Variants in MAP2K5 observed in about 807,000 individuals in gnomAD.
The protein encoded by MAP2K5 is dual specificity mitogen-activated protein kinase kinase 5.
In MAP2K5, 49 loss-of-function variants were observed where a neutral mutation model predicts 83.1. The ratio of observed to expected loss-of-function variants is 0.59; its 90% confidence interval spans 0.47 to 0.75. MAP2K5 has a LOEUF of 0.75. Ranked by LOEUF, MAP2K5 falls within the 30% of genes least tolerant of loss-of-function variation. The pLI is 0.00. For synonymous variants in MAP2K5, 202 were observed against 191.8 expected (o/e 1.05, Z -0.44); for missense variants, 457 against 557.5 (o/e 0.82, Z 1.82).
chr15:67,601,864 T>C (rs946773905), intron 8 of MAP2K5, among the ~76,000 whole-genome samples: 5 of 152,246 alleles, frequency 3.3e-5, no homozygotes, highest in Admixed American at 2.0e-4. Context: ...TTCAGTGCCC[T>C]TTGCAGATAC....
intron 21 of MAP2K5, among the ~76,000 whole-genome samples, chr15:67,789,671 C>T (rs1406670816): frequency 6.6e-6 from 1 of 151,320 alleles, no homozygotes; most frequent in Admixed American, 6.6e-5. Context: ...GCCGAGATCG[C>T]ACCATTGCAC....
At chr15:67,660,281 A>AC (rs2087203518) in intron 12 of MAP2K5, among the ~76,000 whole-genome samples, 3 of 143,696 alleles carry the variant, frequency 2.1e-5, no homozygotes, top group Admixed American at 2.1e-4. Flanking sequence ...TCCAAAATGT[A>AC]GTGTTTTTTT....
chr15:67,637,872 C>G lies in MAP2K5; in HGVS notation c.585+6945C>G, dbSNP rs1325163042. 6.6e-6 allele frequency among the ~76,000 whole-genome samples: 1 copy of G among 151,506 alleles called. No individual in the cohort carries two copies. Among genetic ancestry groups the G allele is most frequent in the Non-Finnish European group, 1.5e-5 (1 of 67,900 alleles). On this transcript the variant is annotated intron_variant, in intron 9 of 21. Transcript: ENST00000178640. The surrounding 1 kb of genome is among the most constrained non-coding windows in gnomAD (Gnocchi z 4.5). ...TTTTCCATCTTTCAGGGATCACTGC[C>G]CCATTCTGGCTAATGTCCAATGTCT... is the stretch of plus-strand genomic sequence containing the variant.
chr15:67,667,419 G>T (rs2087407742), intron 13 of MAP2K5, among the ~76,000 whole-genome samples: 1 of 152,078 alleles, frequency 6.6e-6, no homozygotes, highest in Admixed American at 6.6e-5. Flanking sequence ...TTCTCTAAAT[G>T]AATGATGATG....
intron 5 of MAP2K5, 43 bp downstream of exon 5, chr15:67,585,973 G>T (rs1486469913): frequency 6.6e-7 from 1 of 1,505,632 alleles, no homozygotes; most frequent in Non-Finnish European, 9.2e-7. Context: ...AGATGGATTT[G>T]TAATGCTGTG....
chr15:67,615,071 C>T (rs780712815), intron 8 of MAP2K5, among the ~76,000 whole-genome samples: 8 of 152,012 alleles, frequency 5.3e-5, no homozygotes, highest in Non-Finnish European at 1.0e-4. Context: ...GATCTTGGCT[C>T]ACTGTAACCT....
At chr15:67,796,664 GT>G (rs1278045998) in intron 21 of MAP2K5, among the ~76,000 whole-genome samples, 1 of 151,928 alleles carries the variant, frequency 6.6e-6, no homozygotes. Flanking sequence ...AACATATCCG[GT>G]TTTTTCCTTC....
intron 8 of MAP2K5, chr15:67,629,108 T>A: frequency 1.4e-6 from 1 of 734,140 alleles, no homozygotes; most frequent in Non-Finnish European, 2.5e-6. Context: ...GTAGCAGCAG[T>A]AGCTACGGCA....
intron 11 of MAP2K5, among the ~76,000 whole-genome samples, chr15:67,649,159 A>G (rs969424603): frequency 6.6e-6 from 1 of 152,124 alleles, no homozygotes; most frequent in African/African-American, 2.4e-5. Context: ...GCATCTTTTC[A>G]TGTGCTTATT....
At chr15:67,696,575 C>T (rs967711825) in intron 15 of MAP2K5, among the ~76,000 whole-genome samples, 4 of 152,162 alleles carry the variant, frequency 2.6e-5, no homozygotes, top group African/African-American at 4.8e-5. Context: ...TACAGTGGAA[C>T]CACTCTATAA....
chr15:67,683,259 G>A (rs2087867445), intron 13 of MAP2K5, among the ~76,000 whole-genome samples: 1 of 152,144 alleles, frequency 6.6e-6, no homozygotes, highest in Non-Finnish European at 1.5e-5. Context: ...TTTTATGCAA[G>A]AGATAACAAA....
chr15:67,744,774 A>G (rs2089567594), intron 17 of MAP2K5, among the ~76,000 whole-genome samples: 2 of 152,230 alleles, frequency 1.3e-5, no homozygotes, highest in Admixed American at 6.5e-5. Flanking sequence ...TACATTGGCA[A>G]TTTCCTTTCT....
In MAP2K5 at chr15:67,793,950, A is replaced by G. The variant is rs1332278836; in HGVS notation, c.1243-12696A>G. On this transcript the variant is annotated intron_variant, in intron 21 of 21. Transcript: ENST00000178640. The surrounding 1 kb of genome is among the most constrained non-coding windows in gnomAD (Gnocchi z 4.6). ...CACATAGAAACCGCTCCACACATCC[A>G]TAGTGAATCTTATTGAATTAAAGAC... Among the ~76,000 whole-genome samples the G allele has an allele frequency of 1.3e-5, 2 of 152,254 alleles. No individual in the cohort carries two copies. Among genetic ancestry groups the G allele is most frequent in the African/African-American group, 4.8e-5 (2 of 41,468 alleles).
At chr15:67,657,913 A>G (rs1479619501) in intron 11 of MAP2K5, among the ~76,000 whole-genome samples, 1 of 152,114 alleles carries the variant, frequency 6.6e-6, no homozygotes, top group African/African-American at 2.4e-5. Context: ...TTAGTACCTT[A>G]TGAGGCATAC....
chr15:67,772,962 C>A (rs1346515404), intron 21 of MAP2K5, among the ~76,000 whole-genome samples: 1 of 152,106 alleles, frequency 6.6e-6, no homozygotes, highest in Non-Finnish European at 1.5e-5. Flanking sequence ...AAAGTTAATG[C>A]AGAGCTCTTT....
chr15:67,629,073 A>G (rs190775747), intron 8 of MAP2K5: 5 of 739,248 alleles, frequency 6.8e-6, no homozygotes, highest in Non-Finnish European at 1.2e-5. Context: ...CAAACCATGA[A>G]ACCAAGGTGG....
rs1478931095 is a variant in MAP2K5, at chr15:67,749,264, A to G, written c.1134+663A>G. On this transcript the variant is annotated intron_variant, in intron 19 of 21. Coordinates refer to ENST00000178640, the MANE Select transcript of MAP2K5 (RefSeq NM_145160.3). The surrounding 1 kb of genome is among the most constrained non-coding windows in gnomAD (Gnocchi z 4.6). ...CTTTCTCTCTCAATCGACTTTGTCT[A>G]CTTCTTATTCTGACTTTAAATTCCT... is the stretch of plus-strand genomic sequence containing the variant. Among the ~76,000 whole-genome samples, 4 of 152,168 alleles carry G rather than the reference A, an allele frequency of 2.6e-5. No individual in the cohort carries two copies. Among genetic ancestry groups the G allele is most frequent in the African/African-American group, 9.7e-5 (4 of 41,436 alleles).
intron 6 of MAP2K5, among the ~76,000 whole-genome samples, 173 bp from the exon 7 acceptor site, chr15:67,592,753 A>T (rs1408107955): frequency 6.6e-6 from 1 of 152,108 alleles, no homozygotes; most frequent in Non-Finnish European, 1.5e-5. Context: ...TCTTTATTTG[A>T]TACCTTTTGC....
chr15:67,569,003 C>G (rs1219679651), intron 3 of MAP2K5, among the ~76,000 whole-genome samples: 2 of 52,204 alleles, frequency 3.8e-5, no homozygotes, highest in East Asian at 1.1e-3. Flanking sequence ...AAGACTCCAT[C>G]TCAAAAAAAA....
Sources: gnomAD v4.1 joint callset for allele counts (sites outside exome capture counted in the v4.1 genomes callset) on GRCh38, gnomAD v4.1.1 for gene constraint, Gnocchi (gnomAD v3.1) non-coding constraint, MANE v1.5 for transcripts, NCBI Gene and HGNC (gene_info 2026-07-23, HGNC 2026-07-21) for gene names.